The following CPNE8 variants were observed in gnomAD, a reference collection of about 807,000 sequenced individuals.
CPNE8 encodes copine 8.
CPNE8 carries 45 observed loss-of-function variants against 81.5 expected under a neutral mutation model. The observed-to-expected ratio is 0.55, with a 90% CI of 0.44 to 0.71. The LOEUF is 0.71. Among genes scored for constraint, CPNE8 ranks in the 30% least tolerant of loss-of-function variants. The pLI, the probability that CPNE8 is intolerant of heterozygous loss-of-function variation, is 0.00. For synonymous variants in CPNE8, 252 were observed against 226.3 expected, an observed-to-expected ratio of 1.11 and a Z score of -1.02; for missense variants, 594 against 672.1, an observed-to-expected ratio of 0.88 and a Z score of 1.28.
At chr12:38,778,337 T>C (rs1368428398) in intron 6 of CPNE8, among the ~76,000 whole-genome samples, 2 of 152,176 alleles carry the variant, frequency 1.3e-5, no homozygotes, top group African/African-American at 4.8e-5. Context: ...TCTCGGGACA[T>C]ATCACTGTTG....
chr12:38,685,504 A>G lies in CPNE8; in HGVS notation c.1257T>C (p.Ile419=). The G allele has an allele frequency of 6.2e-7, 1 of 1,613,292 alleles. No individual in the cohort carries two copies. The highest frequency in any genetic ancestry group is 8.5e-7 in the Non-Finnish European group (1 of 1,179,472). Residue 419 remains isoleucine, a synonymous_variant, in exon 16 of 20, where the codon ATT becomes ATC. Transcript: ENST00000331366. ...LYGPTNFAPV[I]NHVARYASSV... ...TCTCTACTTACCTTGCTACATGATTAATTACAGGAGCAAAGTTGGTGGGCC... is the reference window on the plus strand; with the variant it reads ...TCTCTACTTACCTTGCTACATGATTGATTACAGGAGCAAAGTTGGTGGGCC...
intron 4 of CPNE8, among the ~76,000 whole-genome samples, chr12:38,847,160 C>T (rs1943571450): frequency 6.6e-6 from 1 of 151,774 alleles, no homozygotes; most frequent in Non-Finnish European, 1.5e-5. Context: ...GTCTATATCA[C>T]TTAAAGTTTG....
chr12:38,849,534 C>A (rs1943611896), intron 3 of CPNE8, among the ~76,000 whole-genome samples: 1 of 152,110 alleles, frequency 6.6e-6, no homozygotes, highest in Non-Finnish European at 1.5e-5. Flanking sequence ...GAAATATTAT[C>A]TTTTTAATAG....
At chr12:38,695,510 A>G (rs1261712574) in intron 14 of CPNE8, among the ~76,000 whole-genome samples, 1 of 152,166 alleles carries the variant, frequency 6.6e-6, no homozygotes, top group Non-Finnish European at 1.5e-5. Flanking sequence ...ACCCCTTTGC[A>G]ATGGTCTTAA....
At chr12:38,836,798 C>A (rs1310955316) in intron 5 of CPNE8, among the ~76,000 whole-genome samples, 2 of 152,116 alleles carry the variant, frequency 1.3e-5, no homozygotes, top group East Asian at 1.9e-4. Flanking sequence ...TCATGAATTT[C>A]TTTTGGGTTG....
chr12:38,805,624 C>A (rs1343579385), intron 6 of CPNE8, among the ~76,000 whole-genome samples: 1 of 98,428 alleles, frequency 1.0e-5, no homozygotes, highest in African/African-American at 3.8e-5. Flanking sequence ...AACTAACCTG[C>A]ACAATGTGCA....
At chr12:38,823,364 T>G (rs895486577) in intron 6 of CPNE8, among the ~76,000 whole-genome samples, 5 of 152,138 alleles carry the variant, frequency 3.3e-5, no homozygotes, top group Non-Finnish European at 7.4e-5. Flanking sequence ...TTTTCAATTA[T>G]CACTTGCCTC....
At chr12:38,694,432 G>A (rs1261770443) in intron 14 of CPNE8, among the ~76,000 whole-genome samples, 1 of 152,178 alleles carries the variant, frequency 6.6e-6, no homozygotes, top group Non-Finnish European at 1.5e-5. Flanking sequence ...CTTGCCATTT[G>A]TATGGCAGCC....
intron 19 of CPNE8, among the ~76,000 whole-genome samples, chr12:38,669,318 C>T (rs926698470): frequency 6.6e-6 from 1 of 152,078 alleles, no homozygotes; most frequent in Non-Finnish European, 1.5e-5. Flanking sequence ...CAATGTTACT[C>T]TTTATATTAT....
rs1450454268 is a variant in CPNE8, at chr12:38,676,335, A to G, written c.1375-561T>C. ...TCTTCGGAAATGACCAGCCCTGGGT[A>G]AGATCAAATAGAAGGTAAGGAGCAT... On this transcript the variant is annotated intron_variant, in intron 17 of 19. Coordinates refer to ENST00000331366, the MANE Select transcript of CPNE8 (RefSeq NM_153634.3). 2.1e-5 allele frequency: 21 copies of G among 983,630 alleles called. No homozygotes were observed. The East Asian group carries it at 3.4e-4, about 16-fold the overall frequency. The allele number at this position is 983,630 out of a possible 1,614,324, so 60.9% of individuals were successfully genotyped here. A position where few individuals can be genotyped will look rare whatever the true frequency, so the allele number is the denominator to read the frequency against.
Position 38,905,510 on chromosome 12 carries a change from C to A in CPNE8, c.25G>T (p.Ala9Ser). 1 of 1,571,070 alleles carries A rather than the reference C, an allele frequency of 6.4e-7. No individual in the cohort carries two copies. The highest frequency in any genetic ancestry group is 8.6e-7 in the Non-Finnish European group (1 of 1,157,964). MDSRYNST[A>S]GIGDLNQLSA... Reference sequence around the variant, plus strand: ...AGCTGGTTCAAGTCCCCGATGCCCGCAGTGCTGTTGTAGCGGCTGTCCATA... The same window carrying A: ...AGCTGGTTCAAGTCCCCGATGCCCGAAGTGCTGTTGTAGCGGCTGTCCATA... The change falls in exon 1 of 20, where the codon GCG (alanine) becomes TCG (serine). Residue 9 changes from alanine to serine, a missense_variant. By Grantham distance (99) the Ala-to-Ser change is moderately conservative (BLOSUM62 1). Transcript: ENST00000331366.
chr12:38,893,467 C>T (rs1488251682), intron 1 of CPNE8, among the ~76,000 whole-genome samples: 25 of 132,136 alleles, frequency 1.9e-4, no homozygotes, highest in Admixed American at 1.6e-3. Context: ...GCAAGTTACC[C>T]TCTATGTTCT....
chr12:38,797,662 C>A (rs1008339625), intron 6 of CPNE8, among the ~76,000 whole-genome samples: 2 of 152,102 alleles, frequency 1.3e-5, no homozygotes, highest in African/African-American at 4.8e-5. Context: ...CCAAAGGAAC[C>A]CAGTTCCTCA....
chr12:38,882,253 A>T (rs1401627465), intron 1 of CPNE8, among the ~76,000 whole-genome samples: 1 of 152,182 alleles, frequency 6.6e-6, no homozygotes, highest in Non-Finnish European at 1.5e-5. Context: ...AGAAGAGACA[A>T]GACAGTGACA....
intron 13 of CPNE8, among the ~76,000 whole-genome samples, chr12:38,707,727 G>A (rs973419065): frequency 6.6e-6 from 1 of 152,190 alleles, no homozygotes; most frequent in Non-Finnish European, 1.5e-5. Context: ...AGAATCTCTT[G>A]CCTTTATTAC....
At chr12:38,905,627 A>G, upstream of CPNE8, 5 of 1,514,864 alleles carry the variant, frequency 3.3e-6, no homozygotes, top group Non-Finnish European at 4.4e-6. Context: ...ATGGGGGTTG[A>G]GGGTGGAGGC....
In CPNE8 at chr12:38,653,944, T is replaced by G. The variant is rs1422954932; in HGVS notation, c.1633A>C (p.Lys545Gln). ...TATGGGGGAGGCGCAGGTGATGGCT[T>G]GATTCCTCGGGCTCTCATATAGGAG... ...FLSYMRARGI[K>Q]PSPAPPPYTP... Residue 545 changes from lysine to glutamine, a missense_variant, in exon 20 of 20, where the codon AAG becomes CAG. Lys to Gln is a moderately conservative substitution (Grantham distance 53). Coordinates refer to ENST00000331366, the MANE Select transcript of CPNE8 (RefSeq NM_153634.3). 2 of 1,613,700 alleles carry G rather than the reference T, an allele frequency of 1.2e-6. No individual in the cohort carries two copies. The highest frequency in any genetic ancestry group is 8.5e-7 in the Non-Finnish European group (1 of 1,179,930).
At chr12:38,885,456 A>G (rs1168357362) in intron 1 of CPNE8, among the ~76,000 whole-genome samples, 2 of 152,224 alleles carry the variant, frequency 1.3e-5, no homozygotes, top group African/African-American at 4.8e-5. Flanking sequence ...GACAAATATT[A>G]GCTGCATGAA....
chr12:38,671,258 C>T (rs1939168882), intron 18 of CPNE8, among the ~76,000 whole-genome samples: 1 of 151,992 alleles, frequency 6.6e-6, no homozygotes, highest in Non-Finnish European at 1.5e-5. Context: ...TTCATTGAAA[C>T]TACAGCAAAG....
Sources: allele counts gnomAD v4.1 joint callset (sites outside exome capture counted in the v4.1 genomes callset), GRCh38; gene constraint gnomAD v4.1.1; transcripts MANE v1.5; gene names NCBI Gene and HGNC (gene_info 2026-07-23, HGNC 2026-07-21).